The following ATG10 variants were observed in gnomAD, a reference collection of about 807,000 sequenced individuals.
The protein encoded by ATG10 is autophagy related 10.
ATG10 carries 30 observed loss-of-function variants against 32.1 expected under a neutral mutation model. The ratio of observed to expected loss-of-function variants is 0.94; its 90% CI spans 0.70 to 1.27. The LOEUF is 1.27. ATG10 is among the 50% of genes most tolerant of loss of function. ATG10 has a pLI of 0.00. For synonymous variants in ATG10, 87 were observed against 91.5 expected, an observed-to-expected ratio of 0.95 and a Z score of 0.28; for missense variants, 233 against 262.3, an observed-to-expected ratio of 0.89 and a Z score of 0.77.
chr5:82,212,210 T>C (rs1745522420), intron 5 of ATG10, among the ~76,000 whole-genome samples: 1 of 152,204 alleles, frequency 6.6e-6, no homozygotes, highest in Non-Finnish European at 1.5e-5. Context: ...CTCAGCATTA[T>C]TCTAGAGCCT....
intron 2 of ATG10, among the ~76,000 whole-genome samples, chr5:82,028,887 A>T (rs1468477563): frequency 6.6e-6 from 1 of 152,226 alleles, no homozygotes; most frequent in Non-Finnish European, 1.5e-5. Context: ...TTATGGATTC[A>T]GAAATTAAGG....
chr5:82,192,500 G>T (rs1744701966), intron 5 of ATG10, among the ~76,000 whole-genome samples: 1 of 152,134 alleles, frequency 6.6e-6, no homozygotes, highest in African/African-American at 2.4e-5. Flanking sequence ...AAACACTTGG[G>T]TTCTTACTCA....
intron 3 of ATG10, among the ~76,000 whole-genome samples, chr5:82,135,642 T>C (rs533884625): frequency 6.6e-6 from 1 of 152,346 alleles, no homozygotes; most frequent in Admixed American, 6.5e-5. Flanking sequence ...TTTCCAGTTA[T>C]GTGGTCGATT....
At chr5:82,081,427 G>A (rs1764478081) in intron 3 of ATG10, among the ~76,000 whole-genome samples, 1 of 152,158 alleles carries the variant, frequency 6.6e-6, no homozygotes, top group Admixed American at 6.5e-5. Flanking sequence ...GGGCATCCCT[G>A]TCTTGTGCCA....
chr5:82,091,391 T>C (rs1318140176), intron 3 of ATG10, among the ~76,000 whole-genome samples: 1 of 152,062 alleles, frequency 6.6e-6, no homozygotes, highest in Non-Finnish European at 1.5e-5. Flanking sequence ...TTTTTTTAGC[T>C]TTTTTCCTCT....
chr5:82,201,404 T>C (rs1745064954), intron 5 of ATG10, among the ~76,000 whole-genome samples: 1 of 152,228 alleles, frequency 6.6e-6, no homozygotes, highest in Non-Finnish European at 1.5e-5. Context: ...TTATTTAAAA[T>C]ACTAAGCTTT....
At chr5:82,040,950 A>G (rs531735987) in intron 2 of ATG10, among the ~76,000 whole-genome samples, 69 of 152,216 alleles carry the variant, frequency 4.5e-4, no homozygotes, top group African/African-American at 1.7e-3. Context: ...TTTCTCTTAG[A>G]TCGTGGTGTT....
intron 5 of ATG10, among the ~76,000 whole-genome samples, chr5:82,231,365 C>T (rs1263074113): frequency 6.6e-6 from 1 of 152,096 alleles, no homozygotes. Context: ...TAATAAAACA[C>T]TTTTTAAAAA....
At chr5:81,987,751 G>T in intron 2 of ATG10, 73 bp downstream of exon 2, 2 of 1,094,454 alleles carry the variant, frequency 1.8e-6, no homozygotes, top group Non-Finnish European at 2.7e-6. Flanking sequence ...TTTGTTGACA[G>T]GTAAAACCTC....
chr5:82,018,470 T>C (rs2149703290), intron 2 of ATG10, among the ~76,000 whole-genome samples: 1 of 152,366 alleles, frequency 6.6e-6, no homozygotes, highest in East Asian at 1.9e-4. Context: ...AGTCAGATTG[T>C]GTCACTTCTC....
At chr5:82,114,958 A>G (rs1765744930) in intron 3 of ATG10, among the ~76,000 whole-genome samples, 1 of 152,142 alleles carries the variant, frequency 6.6e-6, no homozygotes. Flanking sequence ...AAATGTGGCT[A>G]GTATGACTGA....
intron 2 of ATG10, among the ~76,000 whole-genome samples, chr5:82,033,253 C>T (rs779141832): frequency 6.6e-5 from 10 of 151,738 alleles, no homozygotes; most frequent in Admixed American, 2.0e-4. Flanking sequence ...GGGGAGTAGA[C>T]GGTTCAAAAT....
intron 2 of ATG10, chr5:82,010,030 A>G: frequency 6.2e-7 from 1 of 1,610,690 alleles, no homozygotes; most frequent in East Asian, 2.2e-5. Context: ...AACAGCTCAA[A>G]GGAGACGCGG....
At chr5:82,084,284 A>G (rs949755320) in intron 3 of ATG10, among the ~76,000 whole-genome samples, 2 of 152,216 alleles carry the variant, frequency 1.3e-5, no homozygotes, top group Non-Finnish European at 2.9e-5. Flanking sequence ...TTTAGAGTAA[A>G]AAGAGTAAAA....
intron 2 of ATG10, among the ~76,000 whole-genome samples, chr5:82,054,158 T>C (rs954677044): frequency 1.3e-5 from 2 of 152,102 alleles, no homozygotes; most frequent in Non-Finnish European, 2.9e-5. Context: ...GATTCTGACT[T>C]AATTGGTCTG....
At chr5:82,021,619 A>T (rs1261605878) in intron 2 of ATG10, among the ~76,000 whole-genome samples, 1 of 151,954 alleles carries the variant, frequency 6.6e-6, no homozygotes, top group Non-Finnish European at 1.5e-5. Context: ...GTGGTGGCTC[A>T]AACCTGTAAT....
intron 3 of ATG10, among the ~76,000 whole-genome samples, chr5:82,095,075 TTAAA>T (rs1276233570): frequency 1.3e-5 from 2 of 152,170 alleles, no homozygotes; most frequent in South Asian, 2.1e-4. Flanking sequence ...CAGCTAAAAA[TTAAA>T]TAAATAAAGC....
At chr5:82,232,597 C>T (rs922957443) in intron 5 of ATG10, among the ~76,000 whole-genome samples, 1 of 152,154 alleles carries the variant, frequency 6.6e-6, no homozygotes, top group African/African-American at 2.4e-5. Flanking sequence ...CCTGGAACTT[C>T]TAGTCACCAA....
At chr5:82,169,564 A>G (rs1743723685) in intron 4 of ATG10, among the ~76,000 whole-genome samples, 1 of 152,192 alleles carries the variant, frequency 6.6e-6, no homozygotes, top group Non-Finnish European at 1.5e-5. Flanking sequence ...GTTAATTACT[A>G]CAGTGAGCAG....
Sources: allele counts gnomAD v4.1 joint callset (sites outside exome capture counted in the v4.1 genomes callset), GRCh38; gene constraint gnomAD v4.1.1; transcripts MANE v1.5; gene names NCBI Gene and HGNC (gene_info 2026-07-23, HGNC 2026-07-21).